MYH8: variants seen among roughly 807,000 people sequenced by gnomAD.
MYH8 encodes myosin heavy chain 8, also known as myosin-8.
In MYH8, 168 loss-of-function variants were observed where a neutral mutation model predicts 233.2. That is an observed-to-expected ratio of 0.72 (90% CI 0.64 to 0.82). MYH8 has a LOEUF of 0.82. Ranked by LOEUF, MYH8 falls within the 40% of genes least tolerant of loss-of-function variation. MYH8 has a pLI of 0.00. For synonymous variants in MYH8, 785 were observed against 850.6 expected (o/e 0.92, Z 1.34); for missense variants, 1,995 against 2,327.8 (o/e 0.86, Z 2.94).
chr17:10,394,596 A>T (rs949959283), intron 34 of MYH8, 144 bp from the exon 35 acceptor site: 2 of 1,053,130 alleles, frequency 1.9e-6, no homozygotes, highest in African/African-American at 3.2e-5. Flanking sequence ...TGGTTAGGTC[A>T]TTTGCTTAGG....
At chr17:10,397,922 G>C (rs2072095085) in intron 30 of MYH8, among the ~76,000 whole-genome samples, 1 of 152,106 alleles carries the variant, frequency 6.6e-6, no homozygotes, top group Non-Finnish European at 1.5e-5. Context: ...TACATTCTCA[G>C]TTCATTTTCA....
Position 10,415,369 on chromosome 17 carries a change from G to C in MYH8, c.664C>G (p.Gln222Glu). 6.2e-7 allele frequency: 1 copy of C among 1,614,174 alleles called. No homozygotes were observed. The highest frequency in any genetic ancestry group is 1.3e-5 in the African/African-American group (1 of 75,050). The change falls in exon 8 of 40, where the codon CAA becomes GAA. Residue 222 changes from glutamine (Q) to glutamate (E), a missense_variant. Transcript: ENST00000403437. This position sits in a 1 kb window ranked among gnomAD's most constrained non-coding sequence, Gnocchi z 4.1. ...AGTAGGGGATTGGCGCTGATGATTT[G>C]ATCTTCCAGAGTCCCCTGCAAAGGA... is the stretch of plus-strand genomic sequence containing the variant. Reference protein sequence around the residue: ...SGKMQGTLEDQIISANPLLEA... With the variant: ...SGKMQGTLEDEIISANPLLEA...
chr17:10,391,335 A>G (rs2072020843), intron 39 of MYH8, among the ~76,000 whole-genome samples: 1 of 152,204 alleles, frequency 6.6e-6, no homozygotes, highest in South Asian at 2.1e-4. Context: ...CTATCAAGTA[A>G]GTGAGCTGTT....
chr17:10,398,416 T>A, intron 30 of MYH8, 28 bp downstream of exon 30: 1 of 1,613,960 alleles, frequency 6.2e-7, no homozygotes, highest in Non-Finnish European at 8.5e-7. Context: ...CTTCTGGGAG[T>A]TCCTCTTCTA....
Position 10,398,577 on chromosome 17 carries a change from G to A in MYH8, c.4045C>T (p.Gln1349Ter). 8 of 1,614,180 alleles carry A rather than the reference G, an allele frequency of 5.0e-6. No homozygotes were observed. Among genetic ancestry groups the A allele is most frequent in the Non-Finnish European group, 6.8e-6 (8 of 1,180,026 alleles). ...SRHDCDLLREQYEEEQEGKAE... is the reference protein window; with the variant it reads ...SRHDCDLLRE Reference sequence around the variant, plus strand: ...TTGCCTTCCTGCTCTTCCTCATACTGTTCCCGCAGCAGGTCGCAGTCATGG... The same window carrying A: ...TTGCCTTCCTGCTCTTCCTCATACTATTCCCGCAGCAGGTCGCAGTCATGG... The change falls in exon 30 of 40, where the codon CAG (glutamine) becomes TAG (stop). Residue 1349 changes from glutamine to a stop codon, truncating the protein, a stop_gained. Coordinates refer to ENST00000403437, the MANE Select transcript of MYH8 (RefSeq NM_002472.3). LOFTEE classifies it high-confidence loss of function.
rs151148200 is a variant in MYH8 at position 10,413,832 on chromosome 17, T to G, written c.1147+70A>C. 1.0e-4 allele frequency: 168 copies of G among 1,609,746 alleles called. No homozygotes were observed. The East Asian group carries it at 3.2e-3, about 31-fold the overall frequency. On this transcript the variant is annotated intron_variant, in intron 12 of 39. Transcript: ENST00000403437. ...CGCAAGTCCAGCCACAAAGGAGATG[T>G]GAGTGTAAAATAGGATTTTTTTTTT... is the stretch of plus-strand genomic sequence containing the variant.
intron 22 of MYH8, among the ~76,000 whole-genome samples, chr17:10,403,510 G>A (rs2072160985): frequency 6.6e-6 from 1 of 151,860 alleles, no homozygotes; most frequent in South Asian, 2.1e-4. Context: ...ATTTTTAATA[G>A]TGATACACTC....
chr17:10,414,881 A>G (rs2072275554), intron 9 of MYH8, among the ~76,000 whole-genome samples: 1 of 152,190 alleles, frequency 6.6e-6, no homozygotes, highest in South Asian at 2.1e-4. Flanking sequence ...GAAAAAAATC[A>G]TAGTTGCTTC....
At chr17:10,410,626 A>G in intron 15 of MYH8, 151 bp downstream of exon 15, 1 of 1,249,300 alleles carries the variant, frequency 8.0e-7, no homozygotes, top group South Asian at 1.3e-5. Flanking sequence ...TCTTATGTAG[A>G]AGTTAAAAAG....
intron 5 of MYH8, among the ~76,000 whole-genome samples, chr17:10,416,811 C>A (rs974916905): frequency 6.6e-6 from 1 of 152,118 alleles, no homozygotes; most frequent in Non-Finnish European, 1.5e-5. Context: ...TACCTCATCC[C>A]AATCTCACTG....
chr17:10,393,290 C>T (rs1005248097), intron 35 of MYH8, 80 bp from the exon 36 acceptor site: 9 of 1,550,862 alleles, frequency 5.8e-6, no homozygotes, highest in Admixed American at 1.7e-5. Flanking sequence ...CTTGTTGGTT[C>T]GTGCAGGGGA....
rs549157709 is a variant in MYH8 at position 10,412,804 on chromosome 17, A to G, written c.1148-76T>C. 79 of 1,255,060 alleles carry G rather than the reference A, an allele frequency of 6.3e-5. 1 individual carries two copies. The African/African-American group carries it at 9.9e-4, about 16-fold the overall frequency. 77.7% of individuals were successfully genotyped at this position (1,255,060 alleles called of 1,614,324 possible). A position where few individuals can be genotyped will look rare whatever the true frequency, so the allele number is the denominator to read the frequency against. On this transcript the variant is annotated intron_variant, in intron 12 of 39. Coordinates refer to ENST00000403437, the MANE Select transcript of MYH8 (RefSeq NM_002472.3). Reference sequence around the variant, plus strand: ...TACCTAATCTTTCCATTTTTCTCCAATTCAATCTATTATTTAAATAAAAAG... The same window carrying G: ...TACCTAATCTTTCCATTTTTCTCCAGTTCAATCTATTATTTAAATAAAAAG...
At position 10,415,181 on chromosome 17, in the gene MYH8, T is replaced by C; in HGVS notation, c.742-2A>G. 6.2e-7 allele frequency: 1 copy of C among 1,612,122 alleles called. No individual in the cohort carries two copies. Among genetic ancestry groups the C allele is most frequent in the Non-Finnish European group, 8.5e-7 (1 of 1,178,162 alleles). On this transcript the variant is annotated splice_acceptor_variant, in intron 8 of 39. Coordinates refer to ENST00000403437, the MANE Select transcript of MYH8 (RefSeq NM_002472.3). LOFTEE classifies it high-confidence loss of function. This position sits in a 1 kb window ranked among gnomAD's most constrained non-coding sequence, Gnocchi z 4.1. ...AAAGTGGATTCTAATGAATTTACCCTTGAAAAGAATATTTAGTATTAGAAA... is the reference window on the plus strand; with the variant it reads ...AAAGTGGATTCTAATGAATTTACCCCTGAAAAGAATATTTAGTATTAGAAA...
rs2072286279 is a variant in MYH8, at chr17:10,415,933, A to C, written c.512-225T>G. 6.6e-6 allele frequency among the ~76,000 whole-genome samples: 1 copy of C among 152,210 alleles called. No homozygotes were observed. The highest frequency in any genetic ancestry group is 2.4e-5 in the African/African-American group (1 of 41,454). On this transcript the variant is annotated intron_variant, in intron 5 of 39. Transcript: ENST00000403437. The surrounding 1 kb of genome is among the most constrained non-coding windows in gnomAD (Gnocchi z 4.1). ...TTCCTTTTTGTATTTATTAATTTTTAATTGCGATGAGATACACATAACATA... is the reference window on the plus strand; with the variant it reads ...TTCCTTTTTGTATTTATTAATTTTTCATTGCGATGAGATACACATAACATA...
At position 10,411,134 on chromosome 17, in the gene MYH8, T is replaced by C. The variant is rs1052795735; in HGVS notation, c.1417-187A>G. Among the ~76,000 whole-genome samples, 6 of 152,180 alleles carry C rather than the reference T, an allele frequency of 3.9e-5. No individual in the cohort carries two copies. The East Asian group carries it at 1.2e-3, about 29-fold the overall frequency. ...GCTCACACCTGTAATCCCAGCACTT[T>C]GGGAGGCCGCGGTGGGTGGATCATG... On this transcript the variant is annotated intron_variant, in intron 14 of 39. Coordinates refer to ENST00000403437, the MANE Select transcript of MYH8 (RefSeq NM_002472.3).
Position 10,392,046 on chromosome 17 carries a change from A to T in MYH8, c.5569-69T>A, listed in dbSNP as rs2072030636. On this transcript the variant is annotated intron_variant, in intron 38 of 39. Coordinates refer to ENST00000403437, the MANE Select transcript of MYH8 (RefSeq NM_002472.3). ...AAGGCTACTCTGGGTACTAAAATAA[A>T]ATCATTTGGCATGATGGCAGGTGGG... 2.2e-6 allele frequency: 3 copies of T among 1,353,746 alleles called. No individual in the cohort carries two copies. The South Asian group carries it at 3.5e-5, about 16-fold the overall frequency. 83.9% of individuals were successfully genotyped at this position (1,353,746 alleles called of 1,614,324 possible).
chr17:10,391,446 G>A (rs1309205209), intron 39 of MYH8, among the ~76,000 whole-genome samples: 3 of 152,132 alleles, frequency 2.0e-5, no homozygotes, highest in Non-Finnish European at 4.4e-5. Context: ...TTGGGAGGCC[G>A]AGGTGGGTGG....
intron 12 of MYH8, 37 bp from the exon 13 acceptor site, chr17:10,412,765 A>T: frequency 6.7e-7 from 1 of 1,496,106 alleles, no homozygotes; most frequent in Non-Finnish European, 9.3e-7. Flanking sequence ...TGTTTCATGA[A>T]GGATATCCTC....
chr17:10,409,269 C>G lies in MYH8; in HGVS notation c.1897+10G>C, dbSNP rs768344171. The G allele has an allele frequency of 1.9e-6, 3 of 1,614,010 alleles. No individual in the cohort carries two copies. The African/African-American group carries it at 4.0e-5, about 22-fold the overall frequency. ...ATGGATTTAATTTAGATTAAGGACA[C>G]AGAAAGTACCTGCTTCAGCACTAGC... On this transcript the variant is annotated intron_variant, in intron 16 of 39. Transcript: ENST00000403437.
Sources: gnomAD v4.1 joint callset for allele counts (sites outside exome capture counted in the v4.1 genomes callset) on GRCh38, gnomAD v4.1.1 for gene constraint, Gnocchi (gnomAD v3.1) non-coding constraint, MANE v1.5 for transcripts, NCBI Gene and HGNC (gene_info 2026-07-23, HGNC 2026-07-21) for gene names.